The following HPGD variants were observed in gnomAD, a reference collection of about 807,000 sequenced individuals.
HPGD encodes the protein 15-hydroxyprostaglandin dehydrogenase.
A neutral mutation model predicts 30.0 loss-of-function variants in HPGD; 29 were observed. The ratio of observed to expected loss-of-function variants is 0.97; its 90% CI spans 0.72 to 1.32. The LOEUF (loss-of-function observed/expected upper bound fraction) is 1.32, where lower values mean the gene tolerates loss of function less well. Ranked by LOEUF, HPGD falls within the 40% of genes most tolerant of loss-of-function variation. HPGD has a pLI of 0.00. For missense variants in HPGD, 340 were observed against 322.1 expected (o/e 1.06, Z -0.43); for synonymous variants, 99 against 112.4 (o/e 0.88, Z 0.75).
intron 3 of HPGD, among the ~76,000 whole-genome samples, chr4:174,513,561 G>T (rs1735621005): frequency 6.6e-6 from 1 of 151,646 alleles, no homozygotes. Context: ...AAATATTAAA[G>T]TATAAAACGG....
At position 174,509,048 on chromosome 4, in the gene HPGD, G is replaced by C. The variant is rs182841305; in HGVS notation, c.325-256C>G. 4.6e-5 allele frequency among the ~76,000 whole-genome samples: 7 copies of C among 152,234 alleles called. No homozygotes were observed. The East Asian group carries it at 1.2e-3, about 25-fold the overall frequency. On this transcript the variant is annotated intron_variant, in intron 3 of 6. Transcript: ENST00000296522. ...GCCCAATATGAGATTTTATGCTACAGGTTGTATTCCAAAAATGTCTATTAC... is the reference window on the plus strand; with the variant it reads ...GCCCAATATGAGATTTTATGCTACACGTTGTATTCCAAAAATGTCTATTAC...
chr4:174,522,440 G>A lies in HPGD; in HGVS notation c.12C>T (p.Asn4=). 6.3e-7 allele frequency: 1 copy of A among 1,580,342 alleles called. No homozygotes were observed. The highest frequency in any genetic ancestry group is 8.6e-7 in the Non-Finnish European group (1 of 1,163,998). ...CGCCGGTCACCAGCGCCACTTTGCC[G>A]TTCACGTGCATGGTGCAGCCACTGC... The part of the protein sequence containing the change: MHV[N]GKVALVTGAA... The change falls in exon 1 of 7, where the codon AAC becomes AAT. Residue 4 remains asparagine, a synonymous_variant. Transcript: ENST00000296522.
In HPGD at chr4:174,518,021, C is replaced by T; in HGVS notation, c.274G>A (p.Ala92Thr). ...CAGTTTTTCTCATTATTCACTCCAG[C>T]ATTATTGACCAAAATGTCCAGTCTT... Reference protein sequence around the residue: ...FGRLDILVNNAGVNNEKNWEK... With the variant: ...FGRLDILVNNTGVNNEKNWEK... The change falls in exon 3 of 7, where the codon GCT becomes ACT. Residue 92 changes from alanine to threonine, a missense_variant. Ala to Thr is a moderately conservative substitution (Grantham distance 58). Transcript: ENST00000296522. The T allele has an allele frequency of 1.2e-6, 2 of 1,608,658 alleles. No individual in the cohort carries two copies. Among genetic ancestry groups the T allele is most frequent in the East Asian group, 2.2e-5 (1 of 44,764 alleles).
intron 4 of HPGD, 48 bp from the exon 5 acceptor site, chr4:174,495,672 T>C (rs1393823313): frequency 1.6e-6 from 2 of 1,235,984 alleles, no homozygotes; most frequent in Admixed American, 1.7e-5. Context: ...AAAAAATAAG[T>C]AGACTATACC....
Position 174,521,941 on chromosome 4 carries a change from T to C in HPGD, c.217+3A>G. 6.2e-7 allele frequency: 1 copy of C among 1,614,142 alleles called. No homozygotes were observed. The highest frequency in any genetic ancestry group is 1.3e-5 in the African/African-American group (1 of 75,060). On this transcript the variant is annotated splice_donor_region_variant and intron_variant, in intron 2 of 6. Transcript: ENST00000296522. ...AGTTGACAGATTGATTCCCCTGTCT[T>C]ACCTCTCAGTTGTTGCTGGTCAGCC...
rs566423134 is a variant in HPGD, at chr4:174,494,752, C to A, written c.498+796G>T. On this transcript the variant is annotated intron_variant, in intron 5 of 6. Transcript: ENST00000296522. The surrounding 1 kb of genome is among the most constrained non-coding windows in gnomAD (Gnocchi z 4.9). ...AGAGACCCCCTACAACTGTTCTTTC[C>A]GCTTTTACACTTGTCTTTTGTAACA... is the stretch of plus-strand genomic sequence containing the variant. Among the ~76,000 whole-genome samples, 1 of 152,136 alleles carries A rather than the reference C, an allele frequency of 6.6e-6. No homozygotes were observed. Among genetic ancestry groups the A allele is most frequent in the East Asian group, 1.9e-4 (1 of 5,200 alleles).
At chr4:174,519,387 G>A (rs1735965133) in intron 2 of HPGD, among the ~76,000 whole-genome samples, 1 of 151,924 alleles carries the variant, frequency 6.6e-6, no homozygotes, top group Non-Finnish European at 1.5e-5. Context: ...CTAATTTTTT[G>A]TATTTTTAGT....
chr4:174,497,568 C>CTTTTCTTTTTT (rs1553998366), intron 4 of HPGD, among the ~76,000 whole-genome samples: 7 of 51,112 alleles, frequency 1.4e-4, no homozygotes, highest in African/African-American at 4.7e-4. Context: ...CTTTTTCTTT[C>CTTTTCTTTTTT]TTTTTTTTTT....
chr4:174,522,540 CAGCCCGGCG>C (rs1736215870), upstream of HPGD: 3 of 980,458 alleles, frequency 3.1e-6, no homozygotes, highest in Non-Finnish European at 4.3e-6. Flanking sequence ...CGCGCGCGTG[CAGCCCGGCG>C]GGGCGCTCCC....
At chr4:174,514,001 G>GA (rs1398709853) in intron 3 of HPGD, among the ~76,000 whole-genome samples, 7 of 152,096 alleles carry the variant, frequency 4.6e-5, no homozygotes, top group Admixed American at 3.9e-4. Context: ...GTTGAGAAAT[G>GA]AACAGATCAA....
At chr4:174,507,967 C>T in intron 4 of HPGD, 1 of 559,388 alleles carries the variant, frequency 1.8e-6, no homozygotes. Flanking sequence ...TTAGGTGAAA[C>T]ATGAGCTCAA....
chr4:174,509,320 C>T (rs1735355007), intron 3 of HPGD, among the ~76,000 whole-genome samples: 1 of 152,096 alleles, frequency 6.6e-6, no homozygotes, highest in Non-Finnish European at 1.5e-5. Context: ...CCTGTATCTA[C>T]CTCCTCTCCA....
At chr4:174,522,205 G>T in intron 1 of HPGD, 138 bp from the exon 2 acceptor site, 1 of 1,444,176 alleles carries the variant, frequency 6.9e-7, no homozygotes, top group Non-Finnish European at 9.7e-7. Context: ...CACTTCTGAG[G>T]TGTGCTCACA....
chr4:174,512,219 T>C (rs934140007), intron 3 of HPGD, among the ~76,000 whole-genome samples: 10 of 152,180 alleles, frequency 6.6e-5, no homozygotes, highest in African/African-American at 2.4e-4. Context: ...ATGCAAAATA[T>C]CATATACAGG....
intron 3 of HPGD, among the ~76,000 whole-genome samples, chr4:174,511,548 C>A (rs1055109867): frequency 6.6e-6 from 1 of 152,206 alleles, no homozygotes; most frequent in Non-Finnish European, 1.5e-5. Flanking sequence ...AATTACCATT[C>A]CAATCAATAT....
At chr4:174,514,566 G>A (rs1735670722) in intron 3 of HPGD, among the ~76,000 whole-genome samples, 1 of 152,068 alleles carries the variant, frequency 6.6e-6, no homozygotes, top group Non-Finnish European at 1.5e-5. Context: ...ATCTTACTGA[G>A]TGGGAAAAAG....
chr4:174,522,363 G>T lies in HPGD; in HGVS notation c.89C>A (p.Ala30Asp). 1 of 1,562,768 alleles carries T rather than the reference G, an allele frequency of 6.4e-7. No homozygotes were observed. The highest frequency in any genetic ancestry group is 1.4e-5 in the African/African-American group (1 of 73,816). Residue 30 changes from alanine (A) to aspartate (D), a missense_variant, in exon 1 of 7, where the codon GCC becomes GAC. Coordinates refer to ENST00000296522, the MANE Select transcript of HPGD (RefSeq NM_000860.6). ...GCGGCTGGGCGCCGGGCTTACCTTG[G>T]CGCCCTTAAGCAGCAGCGCCTCTGC... ...AFAEALLLKG[A>D]KVALVDWNLE... is the part of the protein sequence containing the mutation.
chr4:174,518,871 C>T (rs957368224), intron 2 of HPGD, among the ~76,000 whole-genome samples: 1 of 152,024 alleles, frequency 6.6e-6, no homozygotes, highest in Non-Finnish European at 1.5e-5. Flanking sequence ...AAACTGTTTC[C>T]CCGGGCCTTT....
chr4:174,520,238 A>G (rs1458356266), intron 2 of HPGD, among the ~76,000 whole-genome samples: 1 of 152,080 alleles, frequency 6.6e-6, no homozygotes, highest in Non-Finnish European at 1.5e-5. Flanking sequence ...CTGACATCCC[A>G]TTGAATTCCA....
Sources: gnomAD v4.1 joint callset for allele counts (sites outside exome capture counted in the v4.1 genomes callset) on GRCh38, gnomAD v4.1.1 for gene constraint, Gnocchi (gnomAD v3.1) non-coding constraint, MANE v1.5 for transcripts, NCBI Gene and HGNC (gene_info 2026-07-23, HGNC 2026-07-21) for gene names.